FAM193A: variants seen among roughly 807,000 people sequenced by gnomAD.
FAM193A encodes the protein protein FAM193A.
A neutral mutation model predicts 126.5 loss-of-function variants in FAM193A; 22 were observed. The observed-to-expected ratio is 0.17, with a 90% CI of 0.12 to 0.25. The LOEUF (loss-of-function observed/expected upper bound fraction) is 0.25. FAM193A is among the 10% of genes least tolerant of loss of function. The probability of loss-of-function intolerance (pLI) is 1.00; values close to 1 mark genes in which losing one functional copy is unlikely to be tolerated. For missense variants in FAM193A, 1,675 were observed against 1,672.8 expected, an observed-to-expected ratio of 1.00 and a Z score of -0.02; for synonymous variants, 761 against 646.8, an observed-to-expected ratio of 1.18 and a Z score of -2.68.
intron 19 of FAM193A, among the ~76,000 whole-genome samples, chr4:2,709,907 AGGTTAATTTT>A (rs1718723383): frequency 6.6e-6 from 1 of 152,052 alleles, no homozygotes; most frequent in Admixed American, 6.6e-5. Flanking sequence ...ATCTCTAGTG[AGGTTAATTTT>A]GGTAAACCAT....
At chr4:2,728,196 A>G (rs1055010601) in intron 20 of FAM193A, among the ~76,000 whole-genome samples, 11 of 150,384 alleles carry the variant, frequency 7.3e-5, no homozygotes, top group African/African-American at 2.7e-4. Flanking sequence ...TCGGCCTCCC[A>G]AAGTGCTGGG....
chr4:2,655,759 C>G (rs1280491580), intron 7 of FAM193A, among the ~76,000 whole-genome samples: 1 of 151,858 alleles, frequency 6.6e-6, no homozygotes, highest in African/African-American at 2.4e-5. Context: ...AGGGAGAACC[C>G]CATCTCTACA....
intron 15 of FAM193A, among the ~76,000 whole-genome samples, chr4:2,692,490 A>G (rs188051356): frequency 2.0e-5 from 3 of 152,342 alleles, no homozygotes; most frequent in African/African-American, 7.2e-5. Flanking sequence ...CAGACTCTGG[A>G]GGAACCTAGC....
intron 15 of FAM193A, among the ~76,000 whole-genome samples, chr4:2,692,606 A>T (rs1716525731): frequency 6.6e-6 from 1 of 152,228 alleles, no homozygotes; most frequent in Admixed American, 6.5e-5. Context: ...TGTGCCCAGA[A>T]CATTTTATCC....
At chr4:2,581,202 C>T (rs990844994) in intron 1 of FAM193A, among the ~76,000 whole-genome samples, 6 of 137,224 alleles carry the variant, frequency 4.4e-5, no homozygotes, top group Non-Finnish European at 8.2e-5. Context: ...TTTTGTAGAT[C>T]TAGGTTTTGT....
At chr4:2,566,949 T>C (rs1447191341) in intron 1 of FAM193A, among the ~76,000 whole-genome samples, 1 of 151,182 alleles carries the variant, frequency 6.6e-6, no homozygotes, top group African/African-American at 2.4e-5. Flanking sequence ...TTTCTTTTTT[T>C]TTTTTTTTGA....
At chr4:2,601,759 T>C (rs1741211639) in intron 2 of FAM193A, among the ~76,000 whole-genome samples, 2 of 152,040 alleles carry the variant, frequency 1.3e-5, no homozygotes, top group African/African-American at 4.8e-5. Context: ...AAAAAAAGTC[T>C]TGTCAGTTTT....
chr4:2,652,718 G>T (rs953035519), intron 7 of FAM193A, among the ~76,000 whole-genome samples: 1 of 152,182 alleles, frequency 6.6e-6, no homozygotes, highest in Non-Finnish European at 1.5e-5. Flanking sequence ...TTTGACATGA[G>T]ATTTGGGCGG....
chr4:2,565,107 G>A (rs1216426831), intron 1 of FAM193A, among the ~76,000 whole-genome samples: 2 of 151,894 alleles, frequency 1.3e-5, no homozygotes, highest in African/African-American at 4.8e-5. Flanking sequence ...GGCTACGTGG[G>A]TATTTTTATA....
chr4:2,598,000 G>A lies in FAM193A; in HGVS notation c.501+1671G>A, dbSNP rs185572709. Among the ~76,000 whole-genome samples the A allele has an allele frequency of 2.0e-5, 3 of 152,206 alleles. No homozygotes were observed. In the East Asian group the frequency reaches 5.8e-4, roughly 29 times the overall value. The stretch of plus-strand genomic sequence containing the variant: ...GCTCACTGCAACCTCCGCCTCCCGG[G>A]TTCAAGCAATTCTTCTGCCTCAGCC... On this transcript the variant is annotated intron_variant, in intron 2 of 20. Transcript: ENST00000637812.
Position 2,712,598 on chromosome 4 carries a change from C to G in FAM193A, c.4373-3425C>G, listed in dbSNP as rs770129011. Among the ~76,000 whole-genome samples, 145 of 152,102 alleles carry G rather than the reference C, an allele frequency of 9.5e-4. 2 individuals are homozygous for G. The highest frequency in any genetic ancestry group is 2.0e-4 in the Admixed American group (3 of 15,252). On this transcript the variant is annotated intron_variant, in intron 19 of 20. Transcript: ENST00000637812. ...CTGAGTGCCTTGGTTTTAGGACGTT[C>G]TCTTGTGTGAAGCAAACCTGAGGCT...
At chr4:2,560,642 C>T (rs945886466) in intron 1 of FAM193A, among the ~76,000 whole-genome samples, 4 of 152,148 alleles carry the variant, frequency 2.6e-5, no homozygotes, top group African/African-American at 9.7e-5. Flanking sequence ...TTTAATGAGT[C>T]TGTTAATTCA....
chr4:2,652,843 G>A (rs1332140194), intron 7 of FAM193A, among the ~76,000 whole-genome samples: 2 of 152,210 alleles, frequency 1.3e-5, no homozygotes, highest in Non-Finnish European at 2.9e-5. Flanking sequence ...TATAGTTAGT[G>A]ATAACATAGG....
At chr4:2,598,792 G>A (rs1741019945) in intron 2 of FAM193A, among the ~76,000 whole-genome samples, 1 of 152,236 alleles carries the variant, frequency 6.6e-6, no homozygotes, top group African/African-American at 2.4e-5. Flanking sequence ...CTCTAGCACT[G>A]TGCGTGCTCG....
At chr4:2,562,883 C>T (rs1738710387) in intron 1 of FAM193A, among the ~76,000 whole-genome samples, 1 of 151,732 alleles carries the variant, frequency 6.6e-6, no homozygotes, top group East Asian at 1.9e-4. Context: ...TCGCCTTGGC[C>T]TTCCAAAGTG....
At chr4:2,670,699 A>G (rs1713692627) in intron 12 of FAM193A, among the ~76,000 whole-genome samples, 2 of 152,210 alleles carry the variant, frequency 1.3e-5, no homozygotes, top group South Asian at 4.2e-4. Context: ...GGCTCAAGTG[A>G]TCTTCCCACC....
intron 1 of FAM193A, among the ~76,000 whole-genome samples, chr4:2,571,274 C>T (rs76910547): frequency 2.8e-3 from 425 of 152,288 alleles, no homozygotes; most frequent in African/African-American, 7.7e-3. Context: ...ACAGGCTGCC[C>T]TGTACCCCAT....
At chr4:2,638,979 A>G (rs1373744080) in intron 5 of FAM193A, among the ~76,000 whole-genome samples, 1 of 152,208 alleles carries the variant, frequency 6.6e-6, no homozygotes, top group African/African-American at 2.4e-5. Context: ...CCAAAGATGT[A>G]ACGTGATCTG....
intron 2 of FAM193A, among the ~76,000 whole-genome samples, chr4:2,617,658 A>G (rs1742293042): frequency 6.6e-6 from 1 of 151,970 alleles, no homozygotes; most frequent in African/African-American, 2.4e-5. Context: ...TATAGCTTCC[A>G]CTTTTCAGCC....
Sources: gnomAD v4.1 joint callset for allele counts (sites outside exome capture counted in the v4.1 genomes callset) on GRCh38, gnomAD v4.1.1 for gene constraint, MANE v1.5 for transcripts, NCBI Gene and HGNC (gene_info 2026-07-23, HGNC 2026-07-21) for gene names.